The following ZC3H12B variants were observed in gnomAD, a reference collection of about 807,000 sequenced individuals.
The protein encoded by ZC3H12B is probable ribonuclease ZC3H12B.
ZC3H12B carries 7 observed loss-of-function variants against 43.9 expected under a neutral mutation model. The observed-to-expected ratio is 0.16, with a 90% CI of 0.09 to 0.30. The LOEUF (loss-of-function observed/expected upper bound fraction) is 0.30, where lower values mean the gene tolerates loss of function less well. Among genes scored for constraint, ZC3H12B ranks in the 10% least tolerant of loss-of-function variants. The pLI is 1.00. For synonymous variants in ZC3H12B, 222 were observed against 241.7 expected (o/e 0.92, Z 0.76); for missense variants, 475 against 670.2 (o/e 0.71, Z 3.22).
the ZC3H12B span, among the ~76,000 whole-genome samples, chrX:65,172,995 A>G: frequency 1.8e-5 from 2 of 111,997 alleles, no homozygotes; most frequent in African/African-American, 3.3e-5. Context: ...AATAGCATTG[A>G]ATCTATAAAT....
chrX:65,448,823 GA>G (rs1569412055), intron 3 of ZC3H12B, among the ~76,000 whole-genome samples: 4 of 86,490 alleles, frequency 4.6e-5, no homozygotes, highest in African/African-American at 2.0e-4. Context: ...AAAAAAAGAA[GA>G]AAAAGAAAGA....
the ZC3H12B span, among the ~76,000 whole-genome samples, chrX:65,211,625 A>G: frequency 1.0e-5 from 1 of 95,282 alleles, no homozygotes; most frequent in Non-Finnish European, 2.0e-5. Flanking sequence ...TGGCCTAACA[A>G]CTTAAAATTA....
chrX:65,454,065 A>T (rs1392502173), intron 3 of ZC3H12B, among the ~76,000 whole-genome samples: 1 of 112,393 alleles, frequency 8.9e-6, no homozygotes, highest in East Asian at 2.8e-4. Flanking sequence ...AGCGTGAGTG[A>T]CGCAGAAGAC....
chrX:65,462,544 C>T (rs2067765601), intron 3 of ZC3H12B, among the ~76,000 whole-genome samples: 1 of 111,780 alleles, frequency 8.9e-6, no homozygotes, highest in African/African-American at 3.3e-5. Context: ...CTTCATTAAT[C>T]AGATACATTA....
At chrX:65,490,808 C>T (rs1324902825) in intron 1 of ZC3H12B, among the ~76,000 whole-genome samples, 1 of 111,048 alleles carries the variant, frequency 9.0e-6, no homozygotes, top group Non-Finnish European at 1.9e-5. Context: ...CATAGGCAAT[C>T]AGAACAAAGT....
chrX:65,295,652 T>C, the ZC3H12B span, among the ~76,000 whole-genome samples: 3 of 111,417 alleles, frequency 2.7e-5, no homozygotes, highest in African/African-American at 9.8e-5. Flanking sequence ...ATTAGGAGAA[T>C]ATTAGTGATA....
intron 3 of ZC3H12B, among the ~76,000 whole-genome samples, chrX:65,483,476 A>G (rs2068088310): frequency 8.9e-6 from 1 of 111,829 alleles, no homozygotes; most frequent in African/African-American, 3.2e-5. Flanking sequence ...TTTTGCCTCC[A>G]AAGTATCTGA....
the ZC3H12B span, among the ~76,000 whole-genome samples, chrX:65,217,316 T>C: frequency 8.9e-6 from 1 of 111,864 alleles, no homozygotes; most frequent in African/African-American, 3.2e-5. Context: ...TTTGAATTTT[T>C]GGAAAGCCCT....
the ZC3H12B span, among the ~76,000 whole-genome samples, chrX:65,269,676 C>A: frequency 8.3e-5 from 9 of 108,043 alleles, no homozygotes; most frequent in Non-Finnish European, 1.3e-4. Context: ...TTTTTTTCTT[C>A]TTTTGTAGAG....
chrX:65,189,027 A>G, the ZC3H12B span, among the ~76,000 whole-genome samples: 147 of 94,768 alleles, frequency 1.6e-3, 1 homozygote, highest in Non-Finnish European at 4.5e-4. Context: ...ATTCTCACCT[A>G]TGAGTGAGAA....
intron 3 of ZC3H12B, among the ~76,000 whole-genome samples, chrX:65,459,390 C>A (rs1365615807): frequency 9.0e-6 from 1 of 111,551 alleles, no homozygotes; most frequent in Non-Finnish European, 1.9e-5. Context: ...CAAAGCCTGG[C>A]AGAGACACAA....
intron 2 of ZC3H12B, among the ~76,000 whole-genome samples, chrX:65,387,967 C>A (rs1430765030): frequency 1.8e-5 from 2 of 111,890 alleles, no homozygotes; most frequent in East Asian, 5.6e-4. Context: ...TGAATATTGG[C>A]CCCCACTCTC....
chrX:65,330,437 C>T, the ZC3H12B span, among the ~76,000 whole-genome samples: 12 of 111,210 alleles, frequency 1.1e-4, no homozygotes, highest in Non-Finnish European at 2.1e-4. Flanking sequence ...ACTTCCAACA[C>T]TATGTTGAAT....
intron 3 of ZC3H12B, among the ~76,000 whole-genome samples, chrX:65,418,270 T>C (rs994294561): frequency 1.8e-5 from 2 of 111,790 alleles, no homozygotes; most frequent in African/African-American, 3.3e-5. Context: ...CCCTAGCTCA[T>C]TGTGTACAAT....
intron 3 of ZC3H12B, among the ~76,000 whole-genome samples, chrX:65,435,783 T>C (rs770221966): frequency 1.2e-4 from 13 of 111,536 alleles, no homozygotes; most frequent in Non-Finnish European, 2.1e-4. Context: ...CAGTATACTG[T>C]ATGTGAGCTA....
chrX:65,281,223 T>G, the ZC3H12B span, among the ~76,000 whole-genome samples: 750 of 104,834 alleles, frequency 7.2e-3, 4 homozygotes, highest in Non-Finnish European at 0.011. Context: ...CACATACCTA[T>G]AGCCAAACTT....
chrX:65,070,816 G>GTTTTTTTTTTTT, the ZC3H12B span, among the ~76,000 whole-genome samples: 34 of 55,992 alleles, frequency 6.1e-4, no homozygotes, highest in Non-Finnish European at 7.5e-4. Context: ...TATGATTTCT[G>GTTTTTTTTTTTT]TTTTTTTTTT....
At chrX:65,069,566 A>G in the ZC3H12B span, among the ~76,000 whole-genome samples, 1 of 111,224 alleles carries the variant, frequency 9.0e-6, no homozygotes, top group African/African-American at 3.3e-5. Flanking sequence ...ATTTTCTTTG[A>G]GTTTCCTCAA....
At chrX:65,120,412 G>A in the ZC3H12B span, among the ~76,000 whole-genome samples, 3 of 111,450 alleles carry the variant, frequency 2.7e-5, no homozygotes, top group South Asian at 3.8e-4. Context: ...TGAAGCAATT[G>A]TGAATGGGAG....
Sources: allele counts gnomAD v4.1 joint callset (sites outside exome capture counted in the v4.1 genomes callset), GRCh38; gene constraint gnomAD v4.1.1; transcripts MANE v1.5; gene names NCBI Gene and HGNC (gene_info 2026-07-23, HGNC 2026-07-21).